Variants in BRD10 observed in about 807,000 individuals in gnomAD.
BRD10 encodes the protein bromodomain containing 10, also known as uncharacterized bromodomain-containing protein 10.
the BRD10 span, among the ~76,000 whole-genome samples, chr9:5,955,606 A>T: frequency 6.6e-6 from 1 of 150,380 alleles, no homozygotes; most frequent in East Asian, 1.9e-4. Flanking sequence ...GCTCAATGAA[A>T]TCCATGTATA....
the BRD10 span, chr9:5,919,400 A>G: frequency 3.6e-6 from 1 of 278,232 alleles, no homozygotes; most frequent in Non-Finnish European, 6.7e-6. Context: ...AACTTTGTTC[A>G]CTTTATGTTC....
the BRD10 span, chr9:6,008,073 C>T: frequency 3.0e-6 from 3 of 983,852 alleles, no homozygotes; most frequent in Non-Finnish European, 3.6e-6. Flanking sequence ...CCCTCGCCGG[C>T]CTCACCCCTC....
the BRD10 span, chr9:5,919,302 A>G: frequency 6.2e-6 from 1 of 160,502 alleles, no homozygotes; most frequent in Admixed American, 6.0e-5. Flanking sequence ...ACTGAATACC[A>G]TATCATAGAT....
the BRD10 span, among the ~76,000 whole-genome samples, chr9:5,941,468 T>A: frequency 6.6e-6 from 1 of 152,190 alleles, no homozygotes; most frequent in African/African-American, 2.4e-5. Flanking sequence ...GTCTCACTTT[T>A]AACAAATACC....
At chr9:5,967,946 T>G in the BRD10 span, 10 of 916,002 alleles carry the variant, frequency 1.1e-5, no homozygotes, top group South Asian at 1.4e-4. Flanking sequence ...AATCAAAGCA[T>G]CCATGATGCA....
the BRD10 span, among the ~76,000 whole-genome samples, chr9:5,889,138 C>T: frequency 3.9e-5 from 6 of 152,084 alleles, no homozygotes; most frequent in Admixed American, 6.6e-5. Context: ...TGAGTTGCAC[C>T]GAATAGTACA....
At chr9:5,969,271 C>A in the BRD10 span, 1 of 1,613,852 alleles carries the variant, frequency 6.2e-7, no homozygotes, top group Non-Finnish European at 8.5e-7. Flanking sequence ...CTATTTCTGG[C>A]AAATTTAGAA....
chr9:5,921,843 C>T, the BRD10 span: 15 of 1,613,848 alleles, frequency 9.3e-6, no homozygotes, highest in South Asian at 3.3e-5. Context: ...TTATCTATCA[C>T]GTGGCCCAAA....
chr9:5,926,745 A>G, the BRD10 span, among the ~76,000 whole-genome samples: 3 of 151,584 alleles, frequency 2.0e-5, no homozygotes, highest in Non-Finnish European at 4.4e-5. Context: ...GTTAGCCAGG[A>G]TGGTCTTGAT....
chr9:5,945,952 C>T, the BRD10 span, among the ~76,000 whole-genome samples: 2 of 152,072 alleles, frequency 1.3e-5, no homozygotes, highest in South Asian at 2.1e-4. Context: ...TAGCTTTTAT[C>T]AGCCCCAAGT....
At chr9:5,947,956 T>A in the BRD10 span, among the ~76,000 whole-genome samples, 1 of 152,158 alleles carries the variant, frequency 6.6e-6, no homozygotes, top group East Asian at 1.9e-4. Flanking sequence ...CGAAACTCCA[T>A]AGCAGCTCAG....
the BRD10 span, chr9:5,929,168 A>C: frequency 7.5e-7 from 1 of 1,335,054 alleles, no homozygotes; most frequent in East Asian, 2.3e-5. Flanking sequence ...CCCTAAAAAT[A>C]ATGTTTAAAG....
At chr9:5,973,591 T>A in the BRD10 span, among the ~76,000 whole-genome samples, 2 of 151,990 alleles carry the variant, frequency 1.3e-5, no homozygotes, top group Admixed American at 6.6e-5. Context: ...ATATCTAACA[T>A]ACAACAAATT....
the BRD10 span, among the ~76,000 whole-genome samples, chr9:5,884,621 C>T: frequency 6.6e-6 from 1 of 152,182 alleles, no homozygotes; most frequent in Non-Finnish European, 1.5e-5. Context: ...CAAACACAGC[C>T]CATCTTCCTC....
the BRD10 span, among the ~76,000 whole-genome samples, chr9:5,981,647 T>TCTAA: frequency 0.054 from 8,121 of 150,820 alleles, 1,791 homozygotes; most frequent in Non-Finnish European, 0.083. Flanking sequence ...TATCTATCTA[T>TCTAA]TTTAATCTAT....
the BRD10 span, among the ~76,000 whole-genome samples, chr9:5,970,524 CA>C: frequency 6.6e-6 from 1 of 151,974 alleles, no homozygotes; most frequent in African/African-American, 2.4e-5. Context: ...TTAGATTAGG[CA>C]ATGGTTTCTT....
At chr9:5,969,082 A>C in the BRD10 span, 1 of 1,613,610 alleles carries the variant, frequency 6.2e-7, no homozygotes, top group South Asian at 1.1e-5. Flanking sequence ...TTTGCCCTAC[A>C]GCAGTGTACC....
chr9:5,921,406 A>T, the BRD10 span: 1 of 1,613,964 alleles, frequency 6.2e-7, no homozygotes, highest in East Asian at 2.2e-5. Flanking sequence ...GAGGAGGAAG[A>T]GTTTGTTTTA....
chr9:5,971,048 G>A, the BRD10 span, among the ~76,000 whole-genome samples: 10 of 51,862 alleles, frequency 1.9e-4, no homozygotes, highest in East Asian at 3.5e-3. Context: ...GCTAAGCAAC[G>A]TCTCAAAAAA....
Sources: allele counts gnomAD v4.1 joint callset (sites outside exome capture counted in the v4.1 genomes callset), GRCh38; gene constraint gnomAD v4.1.1; transcripts MANE v1.5; gene names NCBI Gene and HGNC (gene_info 2026-07-23, HGNC 2026-07-21).